CPED1: variants seen among roughly 807,000 people sequenced by gnomAD.
CPED1 encodes the protein cadherin-like and PC-esterase domain-containing protein 1.
CPED1 carries 114 observed loss-of-function variants against 128.2 expected under a neutral mutation model. The ratio of observed to expected loss-of-function variants is 0.89; its 90% CI spans 0.76 to 1.04. The LOEUF (loss-of-function observed/expected upper bound fraction) is 1.04. CPED1 is among the 50% of genes least tolerant of loss of function. CPED1 has a pLI of 0.00. For missense variants in CPED1, 1,211 were observed against 1,207.1 expected (o/e 1.00, Z -0.05); for synonymous variants, 462 against 426.7 (o/e 1.08, Z -1.02).
chr7:121,122,171 C>T (rs1035368777), intron 7 of CPED1, among the ~76,000 whole-genome samples: 7 of 136,988 alleles, frequency 5.1e-5, no homozygotes, highest in African/African-American at 1.4e-4. Flanking sequence ...GACAGAGTCT[C>T]GCTCTGTCAC....
Position 121,097,773 on chromosome 7 carries a change from C to T in CPED1, c.691C>T (p.Leu231Phe), listed in dbSNP as rs747679598. The T allele has an allele frequency of 6.2e-7, 1 of 1,613,792 alleles. No homozygotes were observed. Among genetic ancestry groups the T allele is most frequent in the African/African-American group, 1.3e-5 (1 of 75,008 alleles). Residue 231 changes from leucine to phenylalanine, a missense_variant, in exon 6 of 23, where the codon CTT (leucine) becomes TTT (phenylalanine). Leu to Phe is a conservative substitution (Grantham distance 22). Coordinates refer to ENST00000310396, the MANE Select transcript of CPED1 (RefSeq NM_024913.5). Reference sequence around the variant, plus strand: ...ATTAAAGCCGAGTACTTCGAGTCACCTTTTAAAAACAGTGAAGCCACGTGT... The same window carrying T: ...ATTAAAGCCGAGTACTTCGAGTCACTTTTTAAAAACAGTGAAGCCACGTGT... ...MQLKPSTSSH[L>F]LKTVKPRVWK...
chr7:121,107,863 C>G (rs1795015758), intron 7 of CPED1, among the ~76,000 whole-genome samples: 1 of 152,076 alleles, frequency 6.6e-6, no homozygotes, highest in African/African-American at 2.4e-5. Flanking sequence ...AAAATATCCT[C>G]AAATGTGCCA....
At chr7:121,146,639 T>G (rs1272952623) in intron 16 of CPED1, among the ~76,000 whole-genome samples, 2 of 152,146 alleles carry the variant, frequency 1.3e-5, no homozygotes, top group East Asian at 1.9e-4. Context: ...CAATAACATT[T>G]TGATAAATAG....
intron 16 of CPED1, among the ~76,000 whole-genome samples, chr7:121,177,162 G>A (rs191936658): frequency 1.3e-4 from 20 of 151,942 alleles, no homozygotes; most frequent in African/African-American, 4.1e-4. Flanking sequence ...TTCTTTTCTC[G>A]CCATTTCTTG....
intron 5 of CPED1, among the ~76,000 whole-genome samples, chr7:121,091,349 T>C (rs1444971862): frequency 6.6e-6 from 1 of 152,178 alleles, no homozygotes; most frequent in Non-Finnish European, 1.5e-5. Context: ...TTACAGGCCA[T>C]GTATAAGTAA....
chr7:121,078,498 G>GAAAAAAA (rs529856618), intron 5 of CPED1, among the ~76,000 whole-genome samples: 26 of 101,926 alleles, frequency 2.6e-4, no homozygotes, highest in African/African-American at 6.4e-4. Context: ...AAGAAAGAAA[G>GAAAAAAA]AAAAAAAAAA....
chr7:121,294,436 AGAAGCTGAAG>A (rs1407444727), intron 22 of CPED1, among the ~76,000 whole-genome samples: 3 of 152,224 alleles, frequency 2.0e-5, no homozygotes, highest in African/African-American at 7.2e-5. Context: ...CAGGAAGCTG[AGAAGCTGAAG>A]GAAGAGGCCA....
At chr7:121,120,000 T>A (rs1584525876) in intron 7 of CPED1, among the ~76,000 whole-genome samples, 2 of 152,334 alleles carry the variant, frequency 1.3e-5, no homozygotes, top group Admixed American at 1.3e-4. Flanking sequence ...TTCCTTCCTT[T>A]TTAAGGCTGA....
intron 16 of CPED1, among the ~76,000 whole-genome samples, chr7:121,181,338 T>C (rs1796893038): frequency 6.6e-6 from 1 of 152,104 alleles, no homozygotes; most frequent in Admixed American, 6.6e-5. Context: ...AAATACCCTG[T>C]AACTTGAAGT....
chr7:121,004,061 A>G (rs746163873), intron 2 of CPED1, among the ~76,000 whole-genome samples: 3 of 152,182 alleles, frequency 2.0e-5, no homozygotes, highest in Non-Finnish European at 4.4e-5. Context: ...ATGTGCCTCT[A>G]TCCTGCAGCC....
At chr7:121,159,278 A>C (rs1796359540) in intron 16 of CPED1, among the ~76,000 whole-genome samples, 1 of 152,220 alleles carries the variant, frequency 6.6e-6, no homozygotes, top group Non-Finnish European at 1.5e-5. Context: ...AAAGACATCT[A>C]TACAATTTAC....
At chr7:121,228,046 T>C (rs1452994709) in intron 16 of CPED1, among the ~76,000 whole-genome samples, 3 of 151,976 alleles carry the variant, frequency 2.0e-5, no homozygotes, top group Admixed American at 1.3e-4. Flanking sequence ...ACTGTAAAAA[T>C]ACTAGAAGAA....
chr7:121,049,842 G>A (rs911287707), intron 4 of CPED1, among the ~76,000 whole-genome samples: 10 of 152,150 alleles, frequency 6.6e-5, no homozygotes, highest in South Asian at 2.1e-4. Flanking sequence ...AATATTTGGC[G>A]ATGTCTAGAG....
At chr7:121,244,399 G>T (rs2272196) in intron 18 of CPED1, 61 bp downstream of exon 18, 9 of 1,576,524 alleles carry the variant, frequency 5.7e-6, no homozygotes, top group Admixed American at 1.7e-5. Flanking sequence ...ACTAAAAATC[G>T]TATAGTTGTA....
At chr7:121,216,936 G>T (rs963035696) in intron 16 of CPED1, among the ~76,000 whole-genome samples, 2 of 151,830 alleles carry the variant, frequency 1.3e-5, no homozygotes, top group Non-Finnish European at 2.9e-5. Context: ...GGAGCTTTTT[G>T]GTTTGCTTAG....
chr7:121,114,679 G>GT (rs1795192959), intron 7 of CPED1, among the ~76,000 whole-genome samples: 1 of 152,214 alleles, frequency 6.6e-6, no homozygotes, highest in African/African-American at 2.4e-5. Context: ...TAAAGTTTCT[G>GT]TAAGTTAGAT....
intron 22 of CPED1, among the ~76,000 whole-genome samples, chr7:121,294,694 A>C (rs1180744079): frequency 1.3e-5 from 2 of 152,078 alleles, no homozygotes; most frequent in African/African-American, 4.8e-5. Flanking sequence ...GTGCTCTTAC[A>C]CAAGGAACAA....
At chr7:121,065,370 G>A (rs543575484) in intron 5 of CPED1, among the ~76,000 whole-genome samples, 12 of 152,058 alleles carry the variant, frequency 7.9e-5, no homozygotes, top group African/African-American at 1.4e-4. Context: ...AACTCTAGCT[G>A]GAGAGTTTTT....
intron 16 of CPED1, among the ~76,000 whole-genome samples, chr7:121,159,998 A>G (rs1462461424): frequency 2.6e-5 from 4 of 152,226 alleles, no homozygotes; most frequent in Non-Finnish European, 5.9e-5. Context: ...TTTTGCATAT[A>G]TAATTTTTAA....
Sources: allele counts gnomAD v4.1 joint callset (sites outside exome capture counted in the v4.1 genomes callset), GRCh38; gene constraint gnomAD v4.1.1; transcripts MANE v1.5; gene names NCBI Gene and HGNC (gene_info 2026-07-23, HGNC 2026-07-21).